AHCYL2: variants seen among roughly 807,000 people sequenced by gnomAD.
AHCYL2 encodes the protein S-adenosylhomocysteine hydrolase-like protein 2.
In AHCYL2, 28 loss-of-function variants were observed where a neutral mutation model predicts 81.4. The observed-to-expected ratio is 0.34, with a 90% CI of 0.25 to 0.47. The LOEUF (loss-of-function observed/expected upper bound fraction) is 0.47, where lower values mean the gene tolerates loss of function less well. Ranked by LOEUF, AHCYL2 falls within the 20% of genes least tolerant of loss-of-function variation. The pLI is 1.00. For synonymous variants in AHCYL2, 272 were observed against 290.2 expected (o/e 0.94, Z 0.64); for missense variants, 551 against 785.1 (o/e 0.70, Z 3.56).
chr7:129,304,324 T>TC (rs1797350655), intron 1 of AHCYL2, among the ~76,000 whole-genome samples: 2 of 152,220 alleles, frequency 1.3e-5, no homozygotes, highest in Non-Finnish European at 2.9e-5. Context: ...TTGAGAATGA[T>TC]CCATGTACTG....
In AHCYL2 at chr7:129,411,460, T is replaced by A. The variant is rs57262275; in HGVS notation, c.1366+1914T>A. 2.2e-3 allele frequency among the ~76,000 whole-genome samples: 335 copies of A among 152,256 alleles called. 1 individual carries two copies. Among genetic ancestry groups the A allele is most frequent in the African/African-American group, 7.4e-3 (307 of 41,538 alleles). On this transcript the variant is annotated intron_variant, in intron 11 of 16. Coordinates refer to ENST00000325006, the MANE Select transcript of AHCYL2 (RefSeq NM_015328.4). ...AAGGGGAAAAAATAATAATTTTTTTTAAAAAGGAATCATTTATGGCTGGGC... is the reference window on the plus strand; with the variant it reads ...AAGGGGAAAAAATAATAATTTTTTTAAAAAAGGAATCATTTATGGCTGGGC...
Position 129,368,525 on chromosome 7 carries a change from T to G in AHCYL2, c.364-11113T>G. ...GAAGTGGGACGGTAATGAGGGCACCTCAGCTTTTCACATGCCTGAGTGGAT... is the reference window on the plus strand; with the variant it reads ...GAAGTGGGACGGTAATGAGGGCACCGCAGCTTTTCACATGCCTGAGTGGAT... On this transcript the variant is annotated intron_variant, in intron 1 of 16. Coordinates refer to ENST00000325006, the MANE Select transcript of AHCYL2 (RefSeq NM_015328.4). The surrounding 1 kb of genome is among the most constrained non-coding windows in gnomAD (Gnocchi z 4.4). 6.2e-7 allele frequency: 1 copy of G among 1,614,030 alleles called. No individual in the cohort carries two copies. Among genetic ancestry groups the G allele is most frequent in the East Asian group, 2.2e-5 (1 of 44,888 alleles).
intron 1 of AHCYL2, among the ~76,000 whole-genome samples, chr7:129,326,388 G>A (rs1489098092): frequency 2.0e-5 from 3 of 152,156 alleles, no homozygotes; most frequent in South Asian, 2.1e-4. Flanking sequence ...TTAGCCGGGC[G>A]TGGTGGCAGG....
rs886680329 is a variant in AHCYL2, at chr7:129,429,460, G to A, written c.*2415G>A. The A allele has an allele frequency of 6.6e-6, 1 of 152,146 alleles. No homozygotes were observed. The highest frequency in any genetic ancestry group is 1.5e-5 in the Non-Finnish European group (1 of 68,036). 9.4% of individuals were successfully genotyped at this position (152,146 alleles called of 1,614,324 possible). ...AAGGCTACTTATCTCTTTGTATGTG[G>A]CTCCAGTCTGTGAGGATACATAACA... On this transcript the variant is annotated 3_prime_UTR_variant, in exon 17 of 17. Coordinates refer to ENST00000325006, the MANE Select transcript of AHCYL2 (RefSeq NM_015328.4).
intron 1 of AHCYL2, among the ~76,000 whole-genome samples, chr7:129,338,512 G>A (rs1261391447): frequency 6.6e-6 from 1 of 152,182 alleles, no homozygotes; most frequent in East Asian, 1.9e-4. Context: ...ATAGAAACCA[G>A]TTTATATTCT....
intron 1 of AHCYL2, among the ~76,000 whole-genome samples, chr7:129,314,224 C>T (rs1797758202): frequency 6.6e-6 from 1 of 152,240 alleles, no homozygotes; most frequent in Admixed American, 6.5e-5. Flanking sequence ...ATCTCCTCTC[C>T]TCAAGTCTAA....
intron 1 of AHCYL2, among the ~76,000 whole-genome samples, chr7:129,319,894 A>T (rs1405930168): frequency 6.6e-6 from 1 of 152,134 alleles, no homozygotes; most frequent in African/African-American, 2.4e-5. Flanking sequence ...CTTTGTATAT[A>T]CATATGCTTT....
At chr7:129,254,954 A>G (rs1795361540) in intron 1 of AHCYL2, among the ~76,000 whole-genome samples, 1 of 152,168 alleles carries the variant, frequency 6.6e-6, no homozygotes, top group South Asian at 2.1e-4. Context: ...AAAGTAAAGA[A>G]TTAAATTTTC....
intron 1 of AHCYL2, among the ~76,000 whole-genome samples, chr7:129,319,906 A>AT (rs530341146): frequency 0.014 from 2,084 of 146,376 alleles, 105 homozygotes; most frequent in Admixed American, 0.091. Flanking sequence ...ATATGCTTTC[A>AT]TTTTTTTTTT....
rs374321177 is a variant in AHCYL2 at position 129,379,635 on chromosome 7, T to C, written c.364-3T>C. The C allele has an allele frequency of 4.3e-6, 7 of 1,612,348 alleles. No individual in the cohort carries two copies. Among genetic ancestry groups the C allele is most frequent in the Non-Finnish European group, 5.9e-6 (7 of 1,179,410 alleles). On this transcript the variant is annotated splice_region_variant and splice_polypyrimidine_tract_variant and intron_variant, in intron 1 of 16. Transcript: ENST00000325006. ...TTTATATAACTAGGTTTCTTTTTCT[T>C]AGCAGATCCAGTTTGCTGACCAGAA...
At chr7:129,398,927 A>C (rs1297569266) in intron 5 of AHCYL2, among the ~76,000 whole-genome samples, 1 of 151,994 alleles carries the variant, frequency 6.6e-6, no homozygotes, top group African/African-American at 2.4e-5. Flanking sequence ...GGATCACCTG[A>C]GGTCAGGAAT....
intron 1 of AHCYL2, among the ~76,000 whole-genome samples, chr7:129,370,819 C>T (rs1323050667): frequency 6.6e-6 from 1 of 152,208 alleles, no homozygotes; most frequent in East Asian, 1.9e-4. Context: ...AGGAAAATAC[C>T]TTTGCTCAGT....
At chr7:129,265,750 A>T (rs1176936561) in intron 1 of AHCYL2, among the ~76,000 whole-genome samples, 1 of 152,168 alleles carries the variant, frequency 6.6e-6, no homozygotes, top group South Asian at 2.1e-4. Context: ...GAATGACAGG[A>T]TCATATTTAA....
Position 129,403,860 on chromosome 7 carries a change from C to CAAAAAAAAAAAAA in AHCYL2, c.1025+394_1025+406dup, listed in dbSNP as rs34806455. Among the ~76,000 whole-genome samples, 23 of 80,210 alleles carry CAAAAAAAAAAAAA rather than the reference C, an allele frequency of 2.9e-4. 1 individual carries two copies. Among genetic ancestry groups the CAAAAAAAAAAAAA allele is most frequent in the Non-Finnish European group, 5.1e-4 (19 of 37,494 alleles). The allele number at this position is 80,210 out of a possible 152,430, so 52.6% of individuals were successfully genotyped here. The stretch of plus-strand genomic sequence containing the variant: ...TGGGTGACAGAGCGAGACTCCATCT[C>CAAAAAAAAAAAAA]AAAAAAAAAAAAAAAAAAAAAAAAA... On this transcript the variant is annotated intron_variant, in intron 7 of 16. Transcript: ENST00000325006.
intron 1 of AHCYL2, among the ~76,000 whole-genome samples, chr7:129,301,266 T>G (rs1325488787): frequency 6.6e-6 from 1 of 152,228 alleles, no homozygotes; most frequent in African/African-American, 2.4e-5. Context: ...TATTAATCCT[T>G]TGTCAGATGG....
At chr7:129,234,936 T>C (rs924655278) in intron 1 of AHCYL2, among the ~76,000 whole-genome samples, 3 of 152,232 alleles carry the variant, frequency 2.0e-5, no homozygotes, top group Non-Finnish European at 2.9e-5. Context: ...TGCTGTCATG[T>C]TTTTCTATTC....
At chr7:129,354,961 C>G (rs71579836) in intron 1 of AHCYL2, among the ~76,000 whole-genome samples, 5 of 152,204 alleles carry the variant, frequency 3.3e-5, no homozygotes, top group African/African-American at 1.2e-4. Flanking sequence ...GCAAATTTGC[C>G]TAGTCAGTAA....
At position 129,279,859 on chromosome 7, in the gene AHCYL2, C is replaced by T. The variant is rs1274922655; in HGVS notation, c.363+54420C>T. 3.3e-5 allele frequency among the ~76,000 whole-genome samples: 5 copies of T among 152,222 alleles called. No homozygotes were observed. The East Asian group carries it at 9.6e-4, about 29-fold the overall frequency. Reference sequence around the variant, plus strand: ...GGGAGTGTCTTTTAGCATACTAATGCATTATCATTAGCATATAACCAGCAG... The same window carrying T: ...GGGAGTGTCTTTTAGCATACTAATGTATTATCATTAGCATATAACCAGCAG... On this transcript the variant is annotated intron_variant, in intron 1 of 16. Transcript: ENST00000325006.
At chr7:129,243,020 T>C (rs922562134) in intron 1 of AHCYL2, among the ~76,000 whole-genome samples, 18 of 140,510 alleles carry the variant, frequency 1.3e-4, no homozygotes, top group Non-Finnish European at 2.2e-4. Context: ...TTGTTTCTCT[T>C]TTTTTTTTTT....
Sources: gnomAD v4.1 joint callset for allele counts (sites outside exome capture counted in the v4.1 genomes callset) on GRCh38, gnomAD v4.1.1 for gene constraint, Gnocchi (gnomAD v3.1) non-coding constraint, MANE v1.5 for transcripts, NCBI Gene and HGNC (gene_info 2026-07-23, HGNC 2026-07-21) for gene names.